PTK2B: variants seen among roughly 807,000 people sequenced by gnomAD.
The protein encoded by PTK2B is protein tyrosine kinase 2 beta.
In PTK2B, 71 loss-of-function variants were observed where a neutral mutation model predicts 142.9. The ratio of observed to expected loss-of-function variants is 0.50; its 90% CI spans 0.41 to 0.61. PTK2B has a LOEUF of 0.61. PTK2B is among the 20% of genes least tolerant of loss of function. The pLI, the probability that PTK2B is intolerant of heterozygous loss-of-function variation, is 0.00. For missense variants in PTK2B, 1,105 were observed against 1,320.4 expected (o/e 0.84, Z 2.53); for synonymous variants, 519 against 503.4 (o/e 1.03, Z -0.42).
intron 3 of PTK2B, among the ~76,000 whole-genome samples, chr8:27,316,248 G>T (rs1803091434): frequency 6.6e-6 from 1 of 151,080 alleles, no homozygotes; most frequent in South Asian, 2.1e-4. Flanking sequence ...AAATTGTTAA[G>T]AAAATAAATT....
Position 27,442,912 on chromosome 8 carries a change from C to T in PTK2B, c.2077C>T (p.Gln693Ter), listed in dbSNP as rs1255260347. ...YQMEKDIAME[Q>*]ERNARYRTPK... ...GATGGAGAAGGACATTGCCATGGAG[C>T]AAGAGAGGAATGCTCGCTACCGAAC... Residue 693 changes from glutamine (Q) to a stop codon, truncating the protein, a stop_gained, in exon 22 of 31, where the codon CAA becomes TAA. Coordinates refer to ENST00000346049, the MANE Select transcript of PTK2B (RefSeq NM_173176.3). LOFTEE classifies it high-confidence loss of function. The T allele has an allele frequency of 6.2e-7, 1 of 1,614,136 alleles. No individual in the cohort carries two copies. Among genetic ancestry groups the T allele is most frequent in the Admixed American group, 1.7e-5 (1 of 60,026 alleles).
chr8:27,436,447 C>T (rs895563986), intron 15 of PTK2B, 99 bp downstream of exon 15: 1 of 1,184,686 alleles, frequency 8.4e-7, no homozygotes, highest in African/African-American at 1.5e-5. Flanking sequence ...AGCCTTCATC[C>T]ACTTGGGGCC....
intron 20 of PTK2B, among the ~76,000 whole-genome samples, chr8:27,439,680 A>ATT (rs1473386414): frequency 7.2e-5 from 11 of 152,042 alleles, no homozygotes; most frequent in Admixed American, 1.3e-4. Context: ...ACTAAGACGA[A>ATT]ACTCTGTGAC....
At chr8:27,348,143 GA>G in intron 1 of PTK2B, among the ~76,000 whole-genome samples, 1 of 152,270 alleles carries the variant, frequency 6.6e-6, no homozygotes, top group East Asian at 1.9e-4. Flanking sequence ...TAACATATGG[GA>G]AAAAAACAGA....
chr8:27,451,028 T>C lies in PTK2B; in HGVS notation c.2488-15T>C, dbSNP rs368778353. 4 of 1,612,422 alleles carry C rather than the reference T, an allele frequency of 2.5e-6. No individual in the cohort carries two copies. The highest frequency in any genetic ancestry group is 3.4e-6 in the Non-Finnish European group (4 of 1,178,458). On this transcript the variant is annotated splice_polypyrimidine_tract_variant and intron_variant, in intron 25 of 30. Transcript: ENST00000346049. Reference sequence around the variant, plus strand: ...CAGAATTCTTAGTCCTTCGCTCTTGTTTCTTCCTCTGCAGGACCCCATGGT... The same window carrying C: ...CAGAATTCTTAGTCCTTCGCTCTTGCTTCTTCCTCTGCAGGACCCCATGGT...
At chr8:27,432,200 A>G in intron 9 of PTK2B, 60 bp from the exon 10 acceptor site, 5 of 1,524,470 alleles carry the variant, frequency 3.3e-6, no homozygotes, top group East Asian at 2.3e-5. Flanking sequence ...ATACTGACCA[A>G]TCTGCATGGC....
intron 1 of PTK2B, among the ~76,000 whole-genome samples, chr8:27,387,168 A>T (rs1287345155): frequency 6.6e-6 from 1 of 152,048 alleles, no homozygotes; most frequent in Non-Finnish European, 1.5e-5. Flanking sequence ...CACTGCTGGG[A>T]TGTAGGCTGT....
intron 2 of PTK2B, among the ~76,000 whole-genome samples, chr8:27,410,961 G>A (rs1393555329): frequency 6.6e-6 from 1 of 152,210 alleles, no homozygotes; most frequent in Non-Finnish European, 1.5e-5. Context: ...TAATAACCAG[G>A]CTGTGAGCCA....
At chr8:27,409,609 T>G (rs1306505594) in intron 2 of PTK2B, among the ~76,000 whole-genome samples, 2 of 152,166 alleles carry the variant, frequency 1.3e-5, no homozygotes, top group Non-Finnish European at 2.9e-5. Context: ...TTAGTTTGGG[T>G]CTTATCTGAT....
chr8:27,386,020 A>G (rs1807331235), intron 1 of PTK2B, among the ~76,000 whole-genome samples: 1 of 152,216 alleles, frequency 6.6e-6, no homozygotes, highest in Non-Finnish European at 1.5e-5. Context: ...CCAAAATAAC[A>G]ATATTATAAC....
chr8:27,444,068 G>A (rs1454911852), intron 22 of PTK2B, 138 bp from the exon 23 acceptor site: 1 of 878,174 alleles, frequency 1.1e-6, no homozygotes, highest in South Asian at 1.6e-5. Flanking sequence ...TGCAAAATGA[G>A]TTTCATGACA....
chr8:27,369,634 T>A (rs574755135), intron 1 of PTK2B, among the ~76,000 whole-genome samples: 1 of 151,924 alleles, frequency 6.6e-6, no homozygotes, highest in East Asian at 1.9e-4. Context: ...CGTGCCACTG[T>A]ACTTCAGCCT....
chr8:27,415,714 A>G (rs1340430251), intron 2 of PTK2B, among the ~76,000 whole-genome samples: 1 of 152,366 alleles, frequency 6.6e-6, no homozygotes, highest in East Asian at 1.9e-4. Context: ...GCAGAGCAGC[A>G]AGAAGATTAG....
chr8:27,372,701 G>C (rs926351850), intron 1 of PTK2B, among the ~76,000 whole-genome samples: 3 of 152,130 alleles, frequency 2.0e-5, no homozygotes, highest in African/African-American at 7.2e-5. Flanking sequence ...CATCATAGTT[G>C]AGATAGCCTA....
chr8:27,421,638 A>AT (rs1039595984), intron 4 of PTK2B, among the ~76,000 whole-genome samples: 1 of 152,208 alleles, frequency 6.6e-6, no homozygotes, highest in Non-Finnish European at 1.5e-5. Flanking sequence ...TATTTCATTC[A>AT]TTTTTATGGC....
Position 27,409,291 on chromosome 8 carries a change from CAAA to C in PTK2B, c.205-10601_205-10599del, listed in dbSNP as rs545294083. On this transcript the variant is annotated intron_variant, in intron 2 of 30. Coordinates refer to ENST00000346049, the MANE Select transcript of PTK2B (RefSeq NM_173176.3). The stretch of plus-strand genomic sequence containing the variant: ...GTTTTTTGGAATCCAGGGGAAGAAA[CAAA>C]AACCTTATCACAGGGAGTCAGGGAA... 2.6e-3 allele frequency among the ~76,000 whole-genome samples: 395 copies of C among 152,110 alleles called. 1 individual carries two copies. Among genetic ancestry groups the C allele is most frequent in the South Asian group, 0.015 (70 of 4,824 alleles).
Position 27,439,267 on chromosome 8 carries a change from GA to G in PTK2B, c.1745-41del, listed in dbSNP as rs761504052. On this transcript the variant is annotated intron_variant, in intron 19 of 30. Coordinates refer to ENST00000346049, the MANE Select transcript of PTK2B (RefSeq NM_173176.3). Reference sequence around the variant, plus strand: ...GTAGGATGTATTTCTGGATAATTCTGATCTTTCTTCCCTAAAAATCAACCTC... The same window carrying G: ...GTAGGATGTATTTCTGGATAATTCTGTCTTTCTTCCCTAAAAATCAACCTC... 5 of 1,573,474 alleles carry G rather than the reference GA, an allele frequency of 3.2e-6. No homozygotes were observed. In the African/African-American group the frequency reaches 5.4e-5, roughly 17 times the overall value.
rs1812348750 is a variant in PTK2B at position 27,459,289 on chromosome 8, A to G, written c.*780A>G. On this transcript the variant is annotated 3_prime_UTR_variant, in exon 31 of 31. Transcript: ENST00000346049. Reference sequence around the variant, plus strand: ...CCTCCTCTTTCTCTCCCCAACCCCCATTCTCATCTGCACCCTTCTTTTCTC... The same window carrying G: ...CCTCCTCTTTCTCTCCCCAACCCCCGTTCTCATCTGCACCCTTCTTTTCTC... 8.6e-6 allele frequency: 2 copies of G among 233,170 alleles called. No homozygotes were observed. The highest frequency in any genetic ancestry group is 1.7e-5 in the Non-Finnish European group (2 of 118,298). The allele number at this position is 233,170 out of a possible 1,614,324, so 14.4% of individuals were successfully genotyped here. A position where few individuals can be genotyped will look rare whatever the true frequency, so the allele number is the denominator to read the frequency against.
In PTK2B at chr8:27,325,644, T is replaced by G. The variant is rs1266966208; in HGVS notation, c.-75T>G. On this transcript the variant is annotated 5_prime_UTR_variant, in exon 1 of 31. Transcript: ENST00000346049. ...GCCGCCGTCCCGGCTCACCTGGCGG[T>G]GCCCGAGGAGTAGTCGCTGGAGTCC... The G allele has an allele frequency of 6.6e-6, 1 of 152,316 alleles. No homozygotes were observed. Among genetic ancestry groups the G allele is most frequent in the East Asian group, 1.9e-4 (1 of 5,180 alleles). 9.4% of individuals were successfully genotyped at this position (152,316 alleles called of 1,614,324 possible).
Sources: gnomAD v4.1 joint callset for allele counts (sites outside exome capture counted in the v4.1 genomes callset) on GRCh38, gnomAD v4.1.1 for gene constraint, MANE v1.5 for transcripts, NCBI Gene and HGNC (gene_info 2026-07-23, HGNC 2026-07-21) for gene names.